Variants in GCDH observed in about 807,000 individuals in gnomAD.
GCDH encodes glutaryl-CoA dehydrogenase.
GCDH carries 31 observed loss-of-function variants against 52.8 expected under a neutral mutation model. The ratio of observed to expected loss-of-function variants is 0.59; its 90% CI spans 0.44 to 0.79. GCDH has a LOEUF of 0.79. Among genes scored for constraint, GCDH ranks in the 30% least tolerant of loss-of-function variants. GCDH has a pLI of 0.00. For synonymous variants in GCDH, 242 were observed against 250.0 expected, an observed-to-expected ratio of 0.97 and a Z score of 0.30; for missense variants, 509 against 595.0, an observed-to-expected ratio of 0.86 and a Z score of 1.50.
In GCDH at chr19:12,892,868, C is replaced by T. The variant is rs1285981748; in HGVS notation, c.335-615C>T. On this transcript the variant is annotated intron_variant, in intron 5 of 11. Coordinates refer to ENST00000222214, the MANE Select transcript of GCDH (RefSeq NM_000159.4). ...GATTACAGGTGTGAGCCACCGTTGC[C>T]CGGCCCTTTTCTTTTTTTTTTTTTT... 8.6e-5 allele frequency among the ~76,000 whole-genome samples: 13 copies of T among 150,690 alleles called. No individual in the cohort carries two copies. In the East Asian group the frequency reaches 2.3e-3, roughly 27 times the overall value.
At position 12,896,018 on chromosome 19, in the gene GCDH, G is replaced by A. The variant is rs749452002; in HGVS notation, c.532G>A (p.Gly178Arg). Reference sequence around the variant, plus strand: ...CAAGGGGGAGCTCCTGGGCTGCTTCGGGCTCACAGAGCCCAACAGCGGAAG... The same window carrying A: ...CAAGGGGGAGCTCCTGGGCTGCTTCAGGCTCACAGAGCCCAACAGCGGAAG... Reference protein sequence around the residue: ...LAKGELLGCFGLTEPNSGSDP... With the variant: ...LAKGELLGCFRLTEPNSGSDP... Residue 178 changes from glycine (G) to arginine (R), a missense_variant, in exon 7 of 12, where the codon GGG (glycine) becomes AGG (arginine). By Grantham distance (125) the Gly-to-Arg change is moderately radical. Coordinates refer to ENST00000222214, the MANE Select transcript of GCDH (RefSeq NM_000159.4). The surrounding 1 kb of genome is among the most constrained non-coding windows in gnomAD (Gnocchi z 5.5). The A allele has an allele frequency of 6.2e-6, 10 of 1,614,044 alleles. No homozygotes were observed. Among genetic ancestry groups the A allele is most frequent in the Admixed American group, 5.0e-5 (3 of 59,998 alleles).
chr19:12,891,539 G>C lies in GCDH; in HGVS notation c.127+17G>C, dbSNP rs371026901. 1 of 1,614,162 alleles carries C rather than the reference G, an allele frequency of 6.2e-7. No individual in the cohort carries two copies. Among genetic ancestry groups the C allele is most frequent in the Non-Finnish European group, 8.5e-7 (1 of 1,179,998 alleles). Reference sequence around the variant, plus strand: ...TGGCTAAGTGTAAGGACCTCTGGTCGCACCGTGTGTCTGCTGCCCCTGTTC... The same window carrying C: ...TGGCTAAGTGTAAGGACCTCTGGTCCCACCGTGTGTCTGCTGCCCCTGTTC... On this transcript the variant is annotated intron_variant, in intron 3 of 11. Coordinates refer to ENST00000222214, the MANE Select transcript of GCDH (RefSeq NM_000159.4).
At chr19:12,892,240 C>T in intron 5 of GCDH, 62 bp downstream of exon 5, 1 of 1,286,110 alleles carries the variant, frequency 7.8e-7, no homozygotes, top group Non-Finnish European at 1.1e-6. Context: ...CCTCTTCCTC[C>T]TTCCCTCCCT....
Position 12,891,970 on chromosome 19 carries a change from C to G in GCDH, c.267C>G (p.Asn89Lys), listed in dbSNP as rs1186824037. Residue 89 changes from asparagine (N) to lysine (K), a missense_variant, in exon 4 of 12, where the codon AAC becomes AAG. Coordinates refer to ENST00000222214, the MANE Select transcript of GCDH (RefSeq NM_000159.4). ...CTCGCATCCTGTTGGCCAATCGCAA[C>G]GAAGGTGGGCGGGCTGGTGGGTGCC... Reference protein sequence around the residue: ...LMPRILLANRNEVFHREIISE... With the variant: ...LMPRILLANRKEVFHREIISE... The G allele has an allele frequency of 4.3e-6, 7 of 1,614,124 alleles. No homozygotes were observed. The highest frequency in any genetic ancestry group is 5.9e-6 in the Non-Finnish European group (7 of 1,180,052).
chr19:12,895,714 C>T (rs557025526), intron 6 of GCDH, among the ~76,000 whole-genome samples: 6 of 151,148 alleles, frequency 4.0e-5, no homozygotes, highest in Non-Finnish European at 7.4e-5. Flanking sequence ...CGGGTTCAAG[C>T]GATTCTCCTG....
At position 12,899,583 on chromosome 19, in the gene GCDH, G is replaced by A. The variant is rs750031746; in HGVS notation, c.*42G>A. Reference sequence around the variant, plus strand: ...CCCGAAACTCTCAAGCCCCTTTCTGGAGAGATGCCTGGCTGGACCGTAGGA... The same window carrying A: ...CCCGAAACTCTCAAGCCCCTTTCTGAAGAGATGCCTGGCTGGACCGTAGGA... On this transcript the variant is annotated 3_prime_UTR_variant, in exon 12 of 12. Transcript: ENST00000222214. The A allele has an allele frequency of 5.0e-6, 8 of 1,613,986 alleles. No individual in the cohort carries two copies. The East Asian group carries it at 1.8e-4, about 36-fold the overall frequency.
rs2145953021 is a variant in GCDH, at chr19:12,896,999, G to A, written c.942G>A (p.Gln314=). The A allele has an allele frequency of 6.2e-7, 1 of 1,611,916 alleles. No homozygotes were observed. The highest frequency in any genetic ancestry group is 8.5e-7 in the Non-Finnish European group (1 of 1,179,356). ...AGTTCTGCTTGCACACAGCCCGGCA[G>A]TACGCCCTCGACAGGTGTGTGAGGG... The part of the protein sequence containing the change: ...ASEFCLHTAR[Q]YALDRMQFGV... The change falls in exon 9 of 12, where the codon CAG becomes CAA. Residue 314 remains glutamine, a synonymous_variant. Coordinates refer to ENST00000222214, the MANE Select transcript of GCDH (RefSeq NM_000159.4). The surrounding 1 kb of genome is among the most constrained non-coding windows in gnomAD (Gnocchi z 5.5).
intron 11 of GCDH, 26 bp from the exon 12 acceptor site, chr19:12,899,442 A>G: frequency 6.2e-7 from 1 of 1,614,010 alleles, no homozygotes; most frequent in Non-Finnish European, 8.5e-7. Context: ...AAAACTCCAA[A>G]CCGACTCTGT....
At position 12,896,341 on chromosome 19, in the gene GCDH, G is replaced by T. The variant is rs201076343; in HGVS notation, c.772G>T (p.Ala258Ser). 40 of 1,614,166 alleles carry T rather than the reference G, an allele frequency of 2.5e-5. No homozygotes were observed. The highest frequency in any genetic ancestry group is 7.6e-6 in the Non-Finnish European group (9 of 1,180,032). Residue 258 changes from alanine to serine, a missense_variant, in exon 8 of 12, where the codon GCC (alanine) becomes TCC (serine). By Grantham distance (99) the Ala-to-Ser change is moderately conservative. Coordinates refer to ENST00000222214, the MANE Select transcript of GCDH (RefSeq NM_000159.4). This position sits in a 1 kb window ranked among gnomAD's most constrained non-coding sequence, Gnocchi z 5.5. ...GATCCAGGGCAAGTTCTCGCTGCGG[G>T]CCTCAGCCACAGGCATGATCATCAT... The part of the protein sequence containing the change: ...PRIQGKFSLR[A>S]SATGMIIMDG...
intron 6 of GCDH, chr19:12,894,639 C>G: frequency 1.3e-6 from 1 of 748,162 alleles, no homozygotes; most frequent in Non-Finnish European, 2.2e-6. Flanking sequence ...GGTAAGAAAC[C>G]TAGGACCAAA....
At chr19:12,895,416 G>A (rs1448000875) in intron 6 of GCDH, among the ~76,000 whole-genome samples, 1 of 151,722 alleles carries the variant, frequency 6.6e-6, no homozygotes, top group East Asian at 1.9e-4. Context: ...CTTGCTACCC[G>A]TGCCTGGCTA....
intron 6 of GCDH, chr19:12,894,270 G>A: frequency 1.1e-6 from 1 of 923,810 alleles, no homozygotes; most frequent in Non-Finnish European, 1.8e-6. Flanking sequence ...AAGAATGGAA[G>A]GGTTACGTGG....
chr19:12,892,365 C>T, intron 5 of GCDH, 187 bp downstream of exon 5: 1 of 643,290 alleles, frequency 1.6e-6, no homozygotes, highest in Non-Finnish European at 2.8e-6. Context: ...GATCTTGGCT[C>T]ACTGCAAATT....
intron 11 of GCDH, chr19:12,899,248 A>G (rs1970772995): frequency 8.4e-7 from 1 of 1,183,972 alleles, no homozygotes; most frequent in Non-Finnish European, 1.3e-6. Flanking sequence ...GCATTATAGA[A>G]CCATGAAAAA....
intron 5 of GCDH, among the ~76,000 whole-genome samples, chr19:12,892,879 C>CT (rs1044140707): frequency 0.037 from 4,829 of 130,738 alleles, 103 homozygotes; most frequent in African/African-American, 0.045. Flanking sequence ...CGGCCCTTTT[C>CT]TTTTTTTTTT....
rs373203481 is a variant in GCDH, at chr19:12,896,967, G to A, written c.910G>A (p.Ala304Thr). Residue 304 changes from alanine (A) to threonine (T), a missense_variant, in exon 9 of 12, where the codon GCT (alanine) becomes ACT (threonine). Transcript: ENST00000222214. The surrounding 1 kb of genome is among the most constrained non-coding windows in gnomAD (Gnocchi z 5.5). ...CGGCATCGCGTGGGGCGTGCTTGGAGCTTCGGAGTTCTGCTTGCACACAGC... is the reference window on the plus strand; with the variant it reads ...CGGCATCGCGTGGGGCGTGCTTGGAACTTCGGAGTTCTGCTTGCACACAGC... ...RYGIAWGVLGASEFCLHTARQ... is the reference protein window; with the variant it reads ...RYGIAWGVLGTSEFCLHTARQ... The A allele has an allele frequency of 1.2e-6, 2 of 1,613,024 alleles. No individual in the cohort carries two copies. Among genetic ancestry groups the A allele is most frequent in the African/African-American group, 2.7e-5 (2 of 74,938 alleles).
At position 12,892,124 on chromosome 19, in the gene GCDH, C is replaced by A. The variant is rs771602677; in HGVS notation, c.280C>A (p.Arg94=). The change falls in exon 5 of 12, where the codon CGG becomes AGG. Residue 94 remains arginine, a synonymous_variant. Transcript: ENST00000222214. ...CACTGGTCCCTTTGCAGTTTTTCATCGGGAGATCATTTCGGAGATGGGGGA... is the reference window on the plus strand; with the variant it reads ...CACTGGTCCCTTTGCAGTTTTTCATAGGGAGATCATTTCGGAGATGGGGGA... ...LLANRNEVFH[R]EIISEMGELG... is the part of the protein sequence containing the mutation. The A allele has an allele frequency of 3.1e-6, 5 of 1,614,130 alleles. No individual in the cohort carries two copies. The East Asian group carries it at 1.1e-4, about 36-fold the overall frequency.
chr19:12,891,615 C>T (rs761411060), intron 3 of GCDH, 93 bp downstream of exon 3: 1 of 1,612,002 alleles, frequency 6.2e-7, no homozygotes, highest in Non-Finnish European at 8.5e-7. Context: ...GAGAGCTGCC[C>T]GAGCGGGGTG....
rs550100640 is a variant in GCDH, at chr19:12,891,342, G to A, written c.38G>A (p.Arg13His). 506 of 1,612,398 alleles carry A rather than the reference G, an allele frequency of 3.1e-4. 5 individuals carry two copies. The South Asian group carries it at 4.5e-3, about 14-fold the overall frequency. ...LRGVSVRLLSRGPGLHVLRTW... is the reference protein window; with the variant it reads ...LRGVSVRLLSHGPGLHVLRTW... ...GGCGTCTCCGTGCGGCTGCTGAGCCGCGGACCCGGCCTGCACGTCCTTCGC... is the reference window on the plus strand; with the variant it reads ...GGCGTCTCCGTGCGGCTGCTGAGCCACGGACCCGGCCTGCACGTCCTTCGC... The change falls in exon 2 of 12, where the codon CGC becomes CAC. Residue 13 changes from arginine (R) to histidine (H), a missense_variant. By Grantham distance (29) the Arg-to-His change is conservative. Coordinates refer to ENST00000222214, the MANE Select transcript of GCDH (RefSeq NM_000159.4).
Sources: allele counts gnomAD v4.1 joint callset (sites outside exome capture counted in the v4.1 genomes callset), GRCh38; gene constraint gnomAD v4.1.1; non-coding constraint Gnocchi (gnomAD v3.1); transcripts MANE v1.5; gene names NCBI Gene and HGNC (gene_info 2026-07-23, HGNC 2026-07-21).